TUB: variants seen among roughly 807,000 people sequenced by gnomAD.
TUB encodes the protein tubby protein homolog.
TUB carries 33 observed loss-of-function variants against 59.7 expected under a neutral mutation model. That is an observed-to-expected ratio of 0.55 (90% CI 0.42 to 0.74). TUB has a LOEUF of 0.74. TUB is among the 30% of genes least tolerant of loss of function. TUB has a pLI of 0.00. For missense variants in TUB, 659 were observed against 672.0 expected (o/e 0.98, Z 0.21); for synonymous variants, 293 against 256.4 (o/e 1.14, Z -1.36).
At chr11:8,086,128 A>G (rs1036654959) in intron 1 of TUB, among the ~76,000 whole-genome samples, 3 of 152,152 alleles carry the variant, frequency 2.0e-5, no homozygotes, top group Non-Finnish European at 4.4e-5. Context: ...TGAAAGACCT[A>G]TCCATCAGCG....
chr11:8,079,857 T>C (rs1943512671), upstream of TUB, among the ~76,000 whole-genome samples: 1 of 152,172 alleles, frequency 6.6e-6, no homozygotes, highest in Admixed American at 6.5e-5. Context: ...GCCTTCTCTG[T>C]GACTCAGTTC....
chr11:8,100,570 T>C lies in TUB; in HGVS notation c.1184T>C (p.Val395Ala). Residue 395 changes from valine to alanine, a missense_variant, in exon 10 of 12, where the codon GTT becomes GCT. This residue lies in a region of TUB where 226 missense variants were observed against 210.8 expected (regional missense o/e 1.07). Coordinates refer to ENST00000299506, the MANE Select transcript of TUB (RefSeq NM_177972.3). Reference protein sequence around the residue: ...MSVIVPGMNMVHERVSIRPRN... With the variant: ...MSVIVPGMNMAHERVSIRPRN... ...GTGATTGTCCCAGGCATGAACATGGTTCATGAGAGAGTCTCTATCCGCCCC... is the reference window on the plus strand; with the variant it reads ...GTGATTGTCCCAGGCATGAACATGGCTCATGAGAGAGTCTCTATCCGCCCC... 6 of 1,614,044 alleles carry C rather than the reference T, an allele frequency of 3.7e-6. No homozygotes were observed. The highest frequency in any genetic ancestry group is 5.1e-6 in the Non-Finnish European group (6 of 1,180,008).
chr11:8,097,748 G>C lies in TUB; in HGVS notation c.920G>C (p.Ser307Thr). 6.2e-7 allele frequency: 1 copy of C among 1,614,124 alleles called. No individual in the cohort carries two copies. The highest frequency in any genetic ancestry group is 8.5e-7 in the Non-Finnish European group (1 of 1,179,990). The change falls in exon 8 of 12, where the codon AGT (serine) becomes ACT (threonine). Residue 307 changes from serine (S) to threonine (T), a missense_variant. Transcript: ENST00000299506. ...CTGGCGGGAAGGAAGAGAAAGAAGA[G>C]TAAAACTTCCAATTACCTCATCTCT... ...FLLAGRKRKKSKTSNYLISVD... is the reference protein window; with the variant it reads ...FLLAGRKRKKTKTSNYLISVD...
upstream of TUB, chr11:8,076,465 A>G (rs1386416622): frequency 2.6e-5 from 4 of 152,224 alleles, no homozygotes; most frequent in East Asian, 7.7e-4. Context: ...TGTATGCATT[A>G]GAGATGGGTG....
rs759795167 is a variant in TUB at position 8,097,801 on chromosome 11, G to C, written c.973G>C (p.Gly325Arg). 7.4e-6 allele frequency: 12 copies of C among 1,613,878 alleles called. No homozygotes were observed. The highest frequency in any genetic ancestry group is 1.0e-5 in the Non-Finnish European group (12 of 1,179,956). Reference sequence around the variant, plus strand: ...GGACCCAACAGACTTGTCTCGAGGAGGGGACAGCTATATCGGGAAACTGCG... The same window carrying C: ...GGACCCAACAGACTTGTCTCGAGGACGGGACAGCTATATCGGGAAACTGCG... ...SVDPTDLSRG[G>R]DSYIGKLRSN... The change falls in exon 8 of 12, where the codon GGG becomes CGG. Residue 325 changes from glycine to arginine, a missense_variant. Coordinates refer to ENST00000299506, the MANE Select transcript of TUB (RefSeq NM_177972.3).
At position 8,081,387 on chromosome 11, in the gene TUB, G is replaced by A; in HGVS notation, c.-124G>A. Reference sequence around the variant, plus strand: ...TGGCGTGCAGCGCGGGCCTCGGCGGGGCCCAGCGCCCCGGCCCGGGAGGAT... The same window carrying A: ...TGGCGTGCAGCGCGGGCCTCGGCGGAGCCCAGCGCCCCGGCCCGGGAGGAT... On this transcript the variant is annotated 5_prime_UTR_variant, in exon 1 of 12. Coordinates refer to ENST00000299506, the MANE Select transcript of TUB (RefSeq NM_177972.3). 2.0e-6 allele frequency: 2 copies of A among 1,001,710 alleles called. No individual in the cohort carries two copies. Among genetic ancestry groups the A allele is most frequent in the Non-Finnish European group, 2.4e-6 (2 of 841,614 alleles). The allele number at this position is 1,001,710 out of a possible 1,614,324, so 62.1% of individuals were successfully genotyped here.
upstream of TUB, among the ~76,000 whole-genome samples, chr11:8,037,835 T>C (rs918534095): frequency 6.6e-6 from 1 of 152,206 alleles, no homozygotes; most frequent in Non-Finnish European, 1.5e-5. Flanking sequence ...TGGGAGGACA[T>C]GATCTTAGGA....
At chr11:8,073,968 A>C (rs1361031040) in intron 2 of TUB, among the ~76,000 whole-genome samples, 2 of 152,246 alleles carry the variant, frequency 1.3e-5, no homozygotes, top group Non-Finnish European at 2.9e-5. Context: ...CAAGATAAAT[A>C]ACCAGGCTAA....
chr11:8,065,431 C>T (rs1943221177), intron 2 of TUB, among the ~76,000 whole-genome samples: 1 of 152,154 alleles, frequency 6.6e-6, no homozygotes, highest in Admixed American at 6.5e-5. Context: ...TCAGGTAGAC[C>T]TATACCTTAC....
chr11:8,032,557 C>T (rs1289634223), intron 1 of TUB, among the ~76,000 whole-genome samples: 1 of 152,164 alleles, frequency 6.6e-6, no homozygotes, highest in Non-Finnish European at 1.5e-5. Flanking sequence ...AGATCTGGCC[C>T]TTCAAGAAAA....
rs1271547851 is a variant in TUB at position 8,101,760 on chromosome 11, C to G, written c.*141C>G. ...CCCTCAGTGGGCTCCCTGGCCCAGCCAGCCAGGAACTGGCTCCTTTGCCTC... is the reference window on the plus strand; with the variant it reads ...CCCTCAGTGGGCTCCCTGGCCCAGCGAGCCAGGAACTGGCTCCTTTGCCTC... On this transcript the variant is annotated 3_prime_UTR_variant, in exon 12 of 12. Coordinates refer to ENST00000299506, the MANE Select transcript of TUB (RefSeq NM_177972.3). 16 of 1,412,406 alleles carry G rather than the reference C, an allele frequency of 1.1e-5. No individual in the cohort carries two copies. Among genetic ancestry groups the G allele is most frequent in the Non-Finnish European group, 1.5e-5 (16 of 1,073,116 alleles). 87.5% of individuals were successfully genotyped at this position (1,412,406 alleles called of 1,614,324 possible). A position where few individuals can be genotyped will look rare whatever the true frequency, so the allele number is the denominator to read the frequency against.
rs542981989 is a variant in TUB, at chr11:8,039,383, C to A, written c.156-262C>A. 7 of 456,636 alleles carry A rather than the reference C, an allele frequency of 1.5e-5. No individual in the cohort carries two copies. In the East Asian group the frequency reaches 1.8e-4, roughly 12 times the overall value. The allele number at this position is 456,636 out of a possible 1,614,324, so 28.3% of individuals were successfully genotyped here. On this transcript the variant is annotated intron_variant, in intron 1 of 12. Transcript: ENST00000305253. The stretch of plus-strand genomic sequence containing the variant: ...CCAGCTTCTGCCTGTCTCCCCACCC[C>A]CCAGTGCTTCATTCCCATGGCTCAG...
chr11:8,081,700 C>CT (rs765635334), intron 1 of TUB, 152 bp downstream of exon 1: 52 of 849,878 alleles, frequency 6.1e-5, no homozygotes, highest in Admixed American at 2.2e-4. Context: ...CCTCCCTCAA[C>CT]TTTGAGGGCC....
At chr11:8,097,523 T>C in intron 7 of TUB, 98 bp downstream of exon 7, 2 of 1,509,174 alleles carry the variant, frequency 1.3e-6, no homozygotes, top group Non-Finnish European at 1.8e-6. Flanking sequence ...ACCACTGACC[T>C]CTCAGTTCCT....
At chr11:8,078,853 A>T (rs550907394), upstream of TUB, among the ~76,000 whole-genome samples, 6 of 151,990 alleles carry the variant, frequency 3.9e-5, no homozygotes, top group Non-Finnish European at 8.8e-5. Flanking sequence ...GTGCATACAC[A>T]CATGTACACA....
chr11:8,089,187 A>G (rs1943722791), intron 1 of TUB, among the ~76,000 whole-genome samples: 1 of 152,182 alleles, frequency 6.6e-6, no homozygotes, highest in Non-Finnish European at 1.5e-5. Flanking sequence ...GAAGGAAGGA[A>G]AAGGCTGGGG....
chr11:8,028,973 C>G (rs1325824390), intron 1 of TUB, among the ~76,000 whole-genome samples: 1 of 152,178 alleles, frequency 6.6e-6, no homozygotes, highest in East Asian at 1.9e-4. Context: ...GATCACACCA[C>G]TGCATGCCAG....
At chr11:8,052,355 GTTTGT>G (rs905857935) in intron 2 of TUB, among the ~76,000 whole-genome samples, 3 of 151,484 alleles carry the variant, frequency 2.0e-5, no homozygotes, top group African/African-American at 7.3e-5. Context: ...AAATTTTATA[GTTTGT>G]TTTATTATTA....
At chr11:8,021,290 T>C (rs773440553) in intron 1 of TUB, among the ~76,000 whole-genome samples, 11 of 152,090 alleles carry the variant, frequency 7.2e-5, no homozygotes, top group Non-Finnish European at 1.5e-4. Flanking sequence ...TGAAACCCCG[T>C]CTGTACTACA....
Sources: gnomAD v4.1 joint callset for allele counts (sites outside exome capture counted in the v4.1 genomes callset) on GRCh38, gnomAD v4.1.1 for gene constraint, gnomAD v4.1.1 regional missense constraint, MANE v1.5 for transcripts, NCBI Gene and HGNC (gene_info 2026-07-23, HGNC 2026-07-21) for gene names.